Variants in DOCK3 observed in about 807,000 individuals in gnomAD.
The protein encoded by DOCK3 is dedicator of cytokinesis 3, also known as dedicator of cytokinesis protein 3.
In DOCK3, 60 loss-of-function variants were observed where a neutral mutation model predicts 265.6. The observed-to-expected ratio is 0.23, with a 90% CI of 0.18 to 0.28. The LOEUF (loss-of-function observed/expected upper bound fraction) is 0.28. DOCK3 is among the 10% of genes least tolerant of loss of function. The pLI is 1.00. For missense variants in DOCK3, 1,981 were observed against 2,594.3 expected (o/e 0.76, Z 5.14); for synonymous variants, 881 against 938.0 (o/e 0.94, Z 1.11).
At chr3:51,050,342 GCACCACTA>G (rs1417076266) in intron 5 of DOCK3, among the ~76,000 whole-genome samples, 4 of 152,142 alleles carry the variant, frequency 2.6e-5, no homozygotes, top group Non-Finnish European at 5.9e-5. Flanking sequence ...TGCTGTGATT[GCACCACTA>G]CACTCCAGTC....
chr3:50,944,493 G>A (rs2108265056), intron 5 of DOCK3, among the ~76,000 whole-genome samples: 1 of 152,246 alleles, frequency 6.6e-6, no homozygotes, highest in East Asian at 1.9e-4. Context: ...GCACACTGGA[G>A]GTCATGCAAA....
In DOCK3 at chr3:51,375,732, T is replaced by A; in HGVS notation, c.5413-16T>A. 1 of 1,614,014 alleles carries A rather than the reference T, an allele frequency of 6.2e-7. No homozygotes were observed. The highest frequency in any genetic ancestry group is 8.5e-7 in the Non-Finnish European group (1 of 1,179,884). ...GGTTGTTTTCACTCTCTGTAATGTT[T>A]ATCTCCTTCCTTCAGCCGCCGAATT... On this transcript the variant is annotated splice_polypyrimidine_tract_variant and intron_variant, in intron 50 of 52. Coordinates refer to ENST00000266037, the MANE Select transcript of DOCK3 (RefSeq NM_004947.5).
At chr3:50,818,572 A>G (rs1197618919) in intron 2 of DOCK3, among the ~76,000 whole-genome samples, 1 of 152,216 alleles carries the variant, frequency 6.6e-6, no homozygotes, top group Non-Finnish European at 1.5e-5. Flanking sequence ...TGACAGATAT[A>G]TGAAGACATA....
intron 38 of DOCK3, among the ~76,000 whole-genome samples, chr3:51,344,100 T>C (rs1181762739): frequency 6.6e-6 from 1 of 152,188 alleles, no homozygotes; most frequent in African/African-American, 2.4e-5. Flanking sequence ...CCATCAGGGC[T>C]AGACCAGCCA....
chr3:50,817,461 A>ATTT (rs879744915), intron 2 of DOCK3, among the ~76,000 whole-genome samples: 1 of 142,706 alleles, frequency 7.0e-6, no homozygotes, highest in Non-Finnish European at 1.6e-5. Context: ...CAACTAATTA[A>ATTT]ATTTTTTTTT....
At chr3:50,905,052 G>C (rs186683213) in intron 4 of DOCK3, among the ~76,000 whole-genome samples, 30 of 152,136 alleles carry the variant, frequency 2.0e-4, no homozygotes, top group Non-Finnish European at 4.4e-5. Context: ...TCTCAGCTTT[G>C]TCAAAGATCA....
At chr3:50,889,481 C>A (rs1438322261) in intron 3 of DOCK3, among the ~76,000 whole-genome samples, 2 of 148,382 alleles carry the variant, frequency 1.3e-5, no homozygotes, top group African/African-American at 2.5e-5. Context: ...TTTTTAAATA[C>A]GCTACTTATT....
intron 5 of DOCK3, among the ~76,000 whole-genome samples, chr3:51,059,030 G>A (rs1302623356): frequency 6.6e-6 from 1 of 151,986 alleles, no homozygotes; most frequent in East Asian, 1.9e-4. Context: ...CCCTCACACG[G>A]GTAGTGAACA....
At chr3:51,226,481 AG>A (rs1398726671) in intron 15 of DOCK3, among the ~76,000 whole-genome samples, 1 of 152,230 alleles carries the variant, frequency 6.6e-6, no homozygotes, top group Non-Finnish European at 1.5e-5. Flanking sequence ...CATTTGACAG[AG>A]GAAAAGGGTA....
intron 49 of DOCK3, among the ~76,000 whole-genome samples, chr3:51,372,146 C>T (rs986982538): frequency 1.2e-4 from 18 of 152,134 alleles, no homozygotes; most frequent in African/African-American, 4.1e-4. Flanking sequence ...GTTGACAGCT[C>T]CCCCTGCTGA....
At chr3:51,057,306 A>C (rs1369890566) in intron 5 of DOCK3, among the ~76,000 whole-genome samples, 1 of 152,196 alleles carries the variant, frequency 6.6e-6, no homozygotes, top group Non-Finnish European at 1.5e-5. Context: ...CTGACTCTTC[A>C]GTGTACTTTC....
At chr3:51,162,033 CAA>C (rs2086166817) in intron 12 of DOCK3, among the ~76,000 whole-genome samples, 1 of 152,114 alleles carries the variant, frequency 6.6e-6, no homozygotes, top group Non-Finnish European at 1.5e-5. Flanking sequence ...TAGTTAGACA[CAA>C]ATTGTAGTGC....
chr3:50,754,340 T>TA (rs2040025187), intron 1 of DOCK3, among the ~76,000 whole-genome samples: 1 of 152,032 alleles, frequency 6.6e-6, no homozygotes, highest in Non-Finnish European at 1.5e-5. Flanking sequence ...TGCCAGGTAC[T>TA]ATGCTAACAA....
intron 1 of DOCK3, among the ~76,000 whole-genome samples, chr3:50,705,487 C>T (rs2036346184): frequency 6.6e-6 from 1 of 152,136 alleles, no homozygotes; most frequent in African/African-American, 2.4e-5. Flanking sequence ...GTGATCTTGG[C>T]TCACTGCAAC....
chr3:51,259,087 G>T (rs1433661366), intron 22 of DOCK3, among the ~76,000 whole-genome samples: 1 of 152,116 alleles, frequency 6.6e-6, no homozygotes, highest in Non-Finnish European at 1.5e-5. Flanking sequence ...AAAGCTACTA[G>T]AACAGAGGGT....
chr3:50,744,366 C>T (rs1297402041), intron 1 of DOCK3, among the ~76,000 whole-genome samples: 7 of 151,924 alleles, frequency 4.6e-5, no homozygotes. Context: ...GAATATTTGC[C>T]CCTATGTTTT....
chr3:50,737,469 C>A (rs2038714565), intron 1 of DOCK3, among the ~76,000 whole-genome samples: 1 of 152,134 alleles, frequency 6.6e-6, no homozygotes, highest in Admixed American at 6.5e-5. Context: ...CCCACCAGGC[C>A]CCACCTCCAA....
intron 2 of DOCK3, among the ~76,000 whole-genome samples, chr3:50,814,745 A>G (rs17660513): frequency 0.094 from 14,347 of 152,170 alleles, 834 homozygotes; most frequent in Non-Finnish European, 0.12. Context: ...TCAGAAGTCA[A>G]ATTTTTTTAG....
In DOCK3 at chr3:50,879,195, C is replaced by A. The variant is rs370108913; in HGVS notation, c.163-10831C>A. Among the ~76,000 whole-genome samples the A allele has an allele frequency of 1.1e-4, 16 of 152,236 alleles. No individual in the cohort carries two copies. In the East Asian group the frequency reaches 1.7e-3, roughly 17 times the overall value. The stretch of plus-strand genomic sequence containing the variant: ...AAACATGCCAAATTGTAAAGACCAT[C>A]GATGCTAGGAAGAAACTGCATCAAT... On this transcript the variant is annotated intron_variant, in intron 3 of 52. Coordinates refer to ENST00000266037, the MANE Select transcript of DOCK3 (RefSeq NM_004947.5).
Sources: gnomAD v4.1 joint callset for allele counts (sites outside exome capture counted in the v4.1 genomes callset) on GRCh38, gnomAD v4.1.1 for gene constraint, MANE v1.5 for transcripts, NCBI Gene and HGNC (gene_info 2026-07-23, HGNC 2026-07-21) for gene names.